The following WNT4 variants were observed in gnomAD, a reference collection of about 807,000 sequenced individuals.
WNT4 encodes the protein protein Wnt-4.
A neutral mutation model predicts 34.5 loss-of-function variants in WNT4; 16 were observed. The ratio of observed to expected loss-of-function variants is 0.46; its 90% CI spans 0.31 to 0.70. WNT4 has a LOEUF of 0.70. Among genes scored for constraint, WNT4 ranks in the 30% least tolerant of loss-of-function variants. The probability of loss-of-function intolerance (pLI) is 0.04; values close to 1 mark genes in which losing one functional copy is unlikely to be tolerated. For missense variants in WNT4, 379 were observed against 495.9 expected, an observed-to-expected ratio of 0.76 and a Z score of 2.24; for synonymous variants, 200 against 211.9, an observed-to-expected ratio of 0.94 and a Z score of 0.49.
rs71016989 is a variant in WNT4, at chr1:22,119,187, C to CGTGTGTGTGTGTGT, written c.*849_*862dup. On this transcript the variant is annotated 3_prime_UTR_variant, in exon 5 of 5. Transcript: ENST00000290167. The stretch of plus-strand genomic sequence containing the variant: ...TCTCTCGCAGGTGTGTGTGTGTGTC[C>CGTGTGTGTGTGTGT]GTGTGTGTGTGTGTGTGTGTGTGTG... 5.7e-5 allele frequency: 2 copies of CGTGTGTGTGTGTGT among 34,822 alleles called. No individual in the cohort carries two copies. The highest frequency in any genetic ancestry group is 2.9e-4 in the African/African-American group (2 of 6,900). 2.2% of individuals were successfully genotyped at this position (34,822 alleles called of 1,614,324 possible). A position where few individuals can be genotyped will look rare whatever the true frequency, so the allele number is the denominator to read the frequency against.
chr1:22,136,602 A>G (rs1646023630), intron 1 of WNT4, among the ~76,000 whole-genome samples: 1 of 152,136 alleles, frequency 6.6e-6, no homozygotes, highest in East Asian at 1.9e-4. Flanking sequence ...CCAGCAGAGA[A>G]TAACTGGCTG....
rs961505207 is a variant in WNT4 at position 22,120,299 on chromosome 1, G to T, written c.807C>A (p.Asp269Glu). Residue 269 changes from aspartate (D) to glutamate (E), a missense_variant, in exon 5 of 5, where the codon GAC becomes GAA. Around this residue, in one of 2 missense-constraint regions of WNT4, gnomAD observed 313 missense variants for 445.8 expected, o/e 0.70. Coordinates refer to ENST00000290167, the MANE Select transcript of WNT4 (RefSeq NM_030761.5). ...NAQFKPHTDE[D>E]LVYLEPSPDF... ...CGGGGCTAGGCTCCAAGTACACCAGGTCCTCATCTGTGTGCGGCTTGAACT... is the reference window on the plus strand; with the variant it reads ...CGGGGCTAGGCTCCAAGTACACCAGTTCCTCATCTGTGTGCGGCTTGAACT... 2.5e-6 allele frequency: 4 copies of T among 1,614,228 alleles called. No homozygotes were observed. The South Asian group carries it at 4.4e-5, about 18-fold the overall frequency.
intron 4 of WNT4, among the ~76,000 whole-genome samples, 169 bp downstream of exon 4, chr1:22,121,042 G>C (rs1456511526): frequency 6.6e-6 from 1 of 152,178 alleles, no homozygotes; most frequent in Non-Finnish European, 1.5e-5. Context: ...CTGCCTGCCT[G>C]TCTGTACCCC....
At chr1:22,127,527 G>A (rs532793078) in intron 2 of WNT4, 1 of 512,014 alleles carries the variant, frequency 2.0e-6, no homozygotes, top group Admixed American at 2.1e-5. Context: ...CCTTCAAAGG[G>A]CCCGAGTCCT....
In WNT4 at chr1:22,142,591, A is replaced by T. The variant is rs1313375810; in HGVS notation, c.77+255T>A. Among the ~76,000 whole-genome samples, 1 of 150,608 alleles carries T rather than the reference A, an allele frequency of 6.6e-6. No individual in the cohort carries two copies. Among genetic ancestry groups the T allele is most frequent in the African/African-American group, 2.5e-5 (1 of 40,780 alleles). ...CGCCCTCGAGAGCCCCGAGCCGCCT[A>T]CCGGTGCGGACGCCGCCACAGCCAC... On this transcript the variant is annotated intron_variant, in intron 1 of 4. Coordinates refer to ENST00000290167, the MANE Select transcript of WNT4 (RefSeq NM_030761.5). This position sits in a 1 kb window ranked among gnomAD's most constrained non-coding sequence, Gnocchi z 6.0.
chr1:22,142,603 G>A lies in WNT4; in HGVS notation c.77+243C>T, dbSNP rs1354048112. On this transcript the variant is annotated intron_variant, in intron 1 of 4. Coordinates refer to ENST00000290167, the MANE Select transcript of WNT4 (RefSeq NM_030761.5). This position sits in a 1 kb window ranked among gnomAD's most constrained non-coding sequence, Gnocchi z 6.0. ...CCCCGAGCCGCCTACCGGTGCGGAC[G>A]CCGCCACAGCCACCCCTGACGCCTC... 1.3e-5 allele frequency among the ~76,000 whole-genome samples: 2 copies of A among 151,768 alleles called. No homozygotes were observed. Among genetic ancestry groups the A allele is most frequent in the African/African-American group, 4.8e-5 (2 of 41,338 alleles).
In WNT4 at chr1:22,142,905, G is replaced by C; in HGVS notation, c.18C>G (p.Cys6Trp). The C allele has an allele frequency of 8.3e-7, 1 of 1,206,856 alleles. No individual in the cohort carries two copies. Among genetic ancestry groups the C allele is most frequent in the African/African-American group, 1.6e-5 (1 of 60,982 alleles). 74.8% of individuals were successfully genotyped at this position (1,206,856 alleles called of 1,614,324 possible). MSPRS[C>W]LRSLRLLVFA... is the part of the protein sequence containing the mutation. ...AGACGAGGAGGCGCAGCGAACGCAGGCACGAGCGGGGACTCATGGTGCCGC... is the reference window on the plus strand; with the variant it reads ...AGACGAGGAGGCGCAGCGAACGCAGCCACGAGCGGGGACTCATGGTGCCGC... The change falls in exon 1 of 5, where the codon TGC becomes TGG. Residue 6 changes from cysteine to tryptophan, a missense_variant. By Grantham distance (215) the Cys-to-Trp change is radical. Around this residue, in one of 2 missense-constraint regions of WNT4, gnomAD observed 66 missense variants for 50.1 expected, o/e 1.32. Transcript: ENST00000290167. The surrounding 1 kb of genome is among the most constrained non-coding windows in gnomAD (Gnocchi z 6.0).
rs1646055933 is a variant in WNT4 at position 22,140,252 on chromosome 1, G to T, written c.77+2594C>A. 1.0e-6 allele frequency: 1 copy of T among 985,332 alleles called. No individual in the cohort carries two copies. Among genetic ancestry groups the T allele is most frequent in the South Asian group, 4.7e-5 (1 of 21,294 alleles). 61.0% of individuals were successfully genotyped at this position (985,332 alleles called of 1,614,324 possible). A position where few individuals can be genotyped will look rare whatever the true frequency, so the allele number is the denominator to read the frequency against. Reference sequence around the variant, plus strand: ...TGCCTGCATGGACACCTGCCTCCCCGAAGCTTTTCCTTCTAGAGGCAGCTT... The same window carrying T: ...TGCCTGCATGGACACCTGCCTCCCCTAAGCTTTTCCTTCTAGAGGCAGCTT... On this transcript the variant is annotated intron_variant, in intron 1 of 4. Transcript: ENST00000290167. This position sits in a 1 kb window ranked among gnomAD's most constrained non-coding sequence, Gnocchi z 5.9.
At position 22,139,350 on chromosome 1, in the gene WNT4, A is replaced by G. The variant is rs1355084513; in HGVS notation, c.77+3496T>C. On this transcript the variant is annotated intron_variant, in intron 1 of 4. Coordinates refer to ENST00000290167, the MANE Select transcript of WNT4 (RefSeq NM_030761.5). This position sits in a 1 kb window ranked among gnomAD's most constrained non-coding sequence, Gnocchi z 4.6. ...TCTTTCTTCCCAACCACCATTGTGC[A>G]CCATTTGCATCAGTGGGCTCCATTT... is the stretch of plus-strand genomic sequence containing the variant. Among the ~76,000 whole-genome samples the G allele has an allele frequency of 6.6e-6, 1 of 152,140 alleles. No homozygotes were observed. Among genetic ancestry groups the G allele is most frequent in the South Asian group, 2.1e-4 (1 of 4,838 alleles).
At chr1:22,128,725 C>CTT (rs1301946179) in intron 2 of WNT4, among the ~76,000 whole-genome samples, 2 of 145,462 alleles carry the variant, frequency 1.4e-5, no homozygotes, top group African/African-American at 5.0e-5. Context: ...CTTTTTTTTT[C>CTT]TTTTTTTTTT....
At chr1:22,141,857 G>T (rs949167216) in intron 1 of WNT4, among the ~76,000 whole-genome samples, 1 of 152,186 alleles carries the variant, frequency 6.6e-6, no homozygotes, top group African/African-American at 2.4e-5. Context: ...CACTGTTGGC[G>T]ATCCCCCTTC....
At chr1:22,120,895 GGAGA>G (rs1645892297) in intron 4 of WNT4, among the ~76,000 whole-genome samples, 1 of 152,168 alleles carries the variant, frequency 6.6e-6, no homozygotes, top group African/African-American at 2.4e-5. Context: ...TCGTGGTGAT[GGAGA>G]GAAAGGTTCA....
In WNT4 at chr1:22,137,801, G is replaced by A. The variant is rs1198596633; in HGVS notation, c.77+5045C>T. 1.3e-5 allele frequency among the ~76,000 whole-genome samples: 2 copies of A among 152,222 alleles called. No individual in the cohort carries two copies. The highest frequency in any genetic ancestry group is 2.4e-5 in the African/African-American group (1 of 41,452). On this transcript the variant is annotated intron_variant, in intron 1 of 4. Transcript: ENST00000290167. This position sits in a 1 kb window ranked among gnomAD's most constrained non-coding sequence, Gnocchi z 5.3. ...TCAGGGTCTGTTCCGGCCCAGCAGT[G>A]AGGGGCAGAGCAGCAGATCGGGGGG...
chr1:22,127,960 C>T (rs1165517328), intron 2 of WNT4, among the ~76,000 whole-genome samples: 1 of 152,172 alleles, frequency 6.6e-6, no homozygotes, highest in Non-Finnish European at 1.5e-5. Flanking sequence ...AATCTATCCA[C>T]CAATCTGTCC....
Position 22,120,090 on chromosome 1 carries a change from C to T in WNT4, c.1016G>A (p.Arg339Gln), listed in dbSNP as rs867647835. 35 of 1,612,098 alleles carry T rather than the reference C, an allele frequency of 2.2e-5. No individual in the cohort carries two copies. Among genetic ancestry groups the T allele is most frequent in the African/African-American group, 1.3e-4 (10 of 74,934 alleles). Residue 339 changes from arginine to glutamine, a missense_variant, in exon 5 of 5, where the codon CGG (arginine) becomes CAG (glutamine). By Grantham distance (43) the Arg-to-Gln change is conservative (BLOSUM62 1). Coordinates refer to ENST00000290167, the MANE Select transcript of WNT4 (RefSeq NM_030761.5). Reference protein sequence around the residue: ...KFHWCCFVKCRQCQRLVELHT... With the variant: ...KFHWCCFVKCQQCQRLVELHT... ...CAACTCCACGAGCCGCTGGCACTGC[C>T]GGCACTTGACGAAGCAGCACCAGTG...
chr1:22,123,124 T>C (rs564412791), intron 2 of WNT4, among the ~76,000 whole-genome samples: 9 of 152,222 alleles, frequency 5.9e-5, no homozygotes, highest in Non-Finnish European at 8.8e-5. Flanking sequence ...TTTCCAGGCC[T>C]GAACCAGCAC....
chr1:22,120,400 C>T lies in WNT4; in HGVS notation c.706G>A (p.Glu236Lys). The T allele has an allele frequency of 6.2e-7, 1 of 1,614,112 alleles. No homozygotes were observed. The highest frequency in any genetic ancestry group is 8.5e-7 in the Non-Finnish European group (1 of 1,180,020). ...ACCTCAGTGGCACCATCAAACTTCT[C>T]CTTCAGTGCGTGACCCACCTGGCGG... ...PFRQVGHALK[E>K]KFDGATEVEP... The change falls in exon 5 of 5, where the codon GAG becomes AAG. Residue 236 changes from glutamate to lysine, a missense_variant. Glu to Lys is a moderately conservative substitution (Grantham distance 56, BLOSUM62 1). Transcript: ENST00000290167.
At position 22,142,979 on chromosome 1, in the gene WNT4, G is replaced by C. The variant is rs1570125337; in HGVS notation, c.-57C>G. The C allele has an allele frequency of 3.1e-6, 3 of 973,778 alleles. No homozygotes were observed. Among genetic ancestry groups the C allele is most frequent in the Non-Finnish European group, 3.7e-6 (3 of 821,000 alleles). The allele number at this position is 973,778 out of a possible 1,614,324, so 60.3% of individuals were successfully genotyped here. On this transcript the variant is annotated 5_prime_UTR_variant, in exon 1 of 5. Coordinates refer to ENST00000290167, the MANE Select transcript of WNT4 (RefSeq NM_030761.5). The surrounding 1 kb of genome is among the most constrained non-coding windows in gnomAD (Gnocchi z 6.0). Reference sequence around the variant, plus strand: ...CGGCTGCGGCCGCGGGGGGCCTCCCGTCGGGGCTGCAGGTGGGCGCCCGCG... The same window carrying C: ...CGGCTGCGGCCGCGGGGGGCCTCCCCTCGGGGCTGCAGGTGGGCGCCCGCG...
chr1:22,136,855 C>T (rs184791601), intron 1 of WNT4, among the ~76,000 whole-genome samples: 1 of 152,218 alleles, frequency 6.6e-6, no homozygotes, highest in East Asian at 1.9e-4. Context: ...ACTCATGCCT[C>T]GAAGCTTGGG....
Sources: gnomAD v4.1 joint callset for allele counts (sites outside exome capture counted in the v4.1 genomes callset) on GRCh38, gnomAD v4.1.1 for gene constraint, gnomAD v4.1.1 regional missense constraint, Gnocchi (gnomAD v3.1) non-coding constraint, MANE v1.5 for transcripts, NCBI Gene and HGNC (gene_info 2026-07-23, HGNC 2026-07-21) for gene names.